Variants in MSRA observed in about 807,000 individuals in gnomAD.
MSRA encodes methionine sulfoxide reductase A.
MSRA carries 54 observed loss-of-function variants against 31.3 expected under a neutral mutation model. The observed-to-expected ratio is 1.73, with a 90% CI of 1.39 to 2.17. MSRA has a LOEUF of 2.17. Ranked by LOEUF, MSRA falls within the 30% of genes most tolerant of loss-of-function variation. MSRA has a pLI of 0.00. For synonymous variants in MSRA, 169 were observed against 116.5 expected (o/e 1.45, Z -2.90); for missense variants, 507 against 300.9 (o/e 1.69, Z -5.07).
chr8:10,112,240 A>C (rs771444168), intron 1 of MSRA, among the ~76,000 whole-genome samples: 6 of 152,212 alleles, frequency 3.9e-5, no homozygotes, highest in Non-Finnish European at 5.9e-5. Context: ...CTAGTAGTGT[A>C]ATACAGTCTA....
intron 3 of MSRA, among the ~76,000 whole-genome samples, chr8:10,282,578 T>C (rs1437433461): frequency 6.6e-6 from 1 of 152,186 alleles, no homozygotes; most frequent in Non-Finnish European, 1.5e-5. Flanking sequence ...GCAGCCATAG[T>C]GGCACTGTGC....
rs1461720500 is a variant in MSRA, at chr8:10,385,512, G to A, written c.544-42636G>A. 9.9e-5 allele frequency among the ~76,000 whole-genome samples: 15 copies of A among 152,168 alleles called. No homozygotes were observed. The East Asian group carries it at 2.5e-3, about 25-fold the overall frequency. On this transcript the variant is annotated intron_variant, in intron 5 of 5. Transcript: ENST00000317173. ...GCAGGGCTGAAAGATGGGACAGGAT[G>A]GGTTTGACCTTGACAATTGGGGCAG...
At chr8:10,237,006 G>T (rs1418047715) in intron 2 of MSRA, among the ~76,000 whole-genome samples, 2 of 152,180 alleles carry the variant, frequency 1.3e-5, no homozygotes, top group Non-Finnish European at 2.9e-5. Context: ...TAACCCTCTA[G>T]CTGATAGTAC....
intron 1 of MSRA, among the ~76,000 whole-genome samples, chr8:10,097,293 T>A (rs1209341589): frequency 6.6e-6 from 1 of 152,228 alleles, no homozygotes; most frequent in Non-Finnish European, 1.5e-5. Context: ...ACTTAACATT[T>A]ATGTGTGTTG....
chr8:10,413,893 A>G (rs1051068465), intron 5 of MSRA, among the ~76,000 whole-genome samples: 2 of 152,206 alleles, frequency 1.3e-5, no homozygotes, highest in African/African-American at 2.4e-5. Context: ...GGTCAGGCAC[A>G]GTGACTTATA....
At chr8:10,245,868 C>G (rs1300938224) in intron 3 of MSRA, among the ~76,000 whole-genome samples, 1 of 152,202 alleles carries the variant, frequency 6.6e-6, no homozygotes, top group Non-Finnish European at 1.5e-5. Flanking sequence ...GATGGCTCCC[C>G]AAAGGCAAGG....
In MSRA at chr8:10,079,703, C is replaced by T. The variant is rs972158050; in HGVS notation, c.142+25045C>T. Among the ~76,000 whole-genome samples the T allele has an allele frequency of 2.4e-4, 36 of 152,144 alleles. 1 individual carries two copies. The highest frequency in any genetic ancestry group is 8.2e-4 in the African/African-American group (34 of 41,440). ...GGTGCTTGGGTGCTAAGCATTACAGCGCTCTTGGCTATCCAGTCATGCCCA... is the reference window on the plus strand; with the variant it reads ...GGTGCTTGGGTGCTAAGCATTACAGTGCTCTTGGCTATCCAGTCATGCCCA... On this transcript the variant is annotated intron_variant, in intron 1 of 5. Transcript: ENST00000317173.
At chr8:10,222,540 T>C (rs1810609403) in intron 2 of MSRA, among the ~76,000 whole-genome samples, 3 of 152,178 alleles carry the variant, frequency 2.0e-5, no homozygotes, top group South Asian at 2.1e-4. Flanking sequence ...CTCAGAGATA[T>C]TCATACTCTC....
chr8:10,220,875 G>T (rs531164268), intron 2 of MSRA, among the ~76,000 whole-genome samples: 1 of 152,202 alleles, frequency 6.6e-6, no homozygotes, highest in Non-Finnish European at 1.5e-5. Flanking sequence ...GAGGAGGACT[G>T]GGGAGGGTCG....
intron 3 of MSRA, among the ~76,000 whole-genome samples, chr8:10,297,661 A>T (rs540662624): frequency 5.3e-5 from 8 of 152,348 alleles, no homozygotes; most frequent in African/African-American, 1.9e-4. Flanking sequence ...GAAATAAAGT[A>T]AAGAAACTTA....
At chr8:10,248,170 G>A (rs1797723056) in intron 3 of MSRA, among the ~76,000 whole-genome samples, 1 of 152,168 alleles carries the variant, frequency 6.6e-6, no homozygotes, top group Non-Finnish European at 1.5e-5. Context: ...ATACTAGTCT[G>A]TACTCTAGTA....
At chr8:10,179,893 A>G (rs942465556) in intron 1 of MSRA, among the ~76,000 whole-genome samples, 13 of 152,212 alleles carry the variant, frequency 8.5e-5, no homozygotes, top group South Asian at 2.1e-4. Flanking sequence ...TGTCAACCCC[A>G]AAGTTGTTCT....
chr8:10,162,235 T>C (rs1331544646), intron 1 of MSRA, among the ~76,000 whole-genome samples: 1 of 152,178 alleles, frequency 6.6e-6, no homozygotes, highest in Non-Finnish European at 1.5e-5. Context: ...ACAGGGTACT[T>C]GCAGAATCAA....
intron 3 of MSRA, among the ~76,000 whole-genome samples, chr8:10,287,372 C>T (rs2129112555): frequency 6.6e-6 from 1 of 152,248 alleles, no homozygotes; most frequent in East Asian, 1.9e-4. Flanking sequence ...ATGGAGTTCC[C>T]ATGAAGATTT....
intron 1 of MSRA, among the ~76,000 whole-genome samples, chr8:10,127,974 C>T (rs12542030): frequency 1.3e-5 from 2 of 151,864 alleles, no homozygotes; most frequent in Non-Finnish European, 2.9e-5. Flanking sequence ...GTGTTTCACA[C>T]TGGGGCAAGT....
chr8:10,205,830 G>A (rs1156668042), intron 1 of MSRA, among the ~76,000 whole-genome samples: 1 of 152,140 alleles, frequency 6.6e-6, no homozygotes, highest in Non-Finnish European at 1.5e-5. Context: ...TAATAGGATT[G>A]TGTTTCCTTA....
chr8:10,301,491 A>G (rs1374963065), intron 3 of MSRA, 43 bp from the exon 4 acceptor site: 1 of 1,469,084 alleles, frequency 6.8e-7, no homozygotes, highest in Non-Finnish European at 9.5e-7. Flanking sequence ...CAATAAATGG[A>G]TGTTGTCAGT....
At chr8:10,156,863 C>A (rs536973905) in intron 1 of MSRA, among the ~76,000 whole-genome samples, 4 of 139,660 alleles carry the variant, frequency 2.9e-5, no homozygotes, top group East Asian at 2.1e-4. Flanking sequence ...TTTACTTAGT[C>A]AAGTCTATAA....
At chr8:10,263,641 A>G (rs1388191599) in intron 3 of MSRA, among the ~76,000 whole-genome samples, 1 of 152,116 alleles carries the variant, frequency 6.6e-6, no homozygotes, top group Non-Finnish European at 1.5e-5. Context: ...CCCTGGCTTC[A>G]TGGCTGGCCC....
Sources: allele counts gnomAD v4.1 joint callset (sites outside exome capture counted in the v4.1 genomes callset), GRCh38; gene constraint gnomAD v4.1.1; transcripts MANE v1.5; gene names NCBI Gene and HGNC (gene_info 2026-07-23, HGNC 2026-07-21).